SIPA1L1: variants seen among roughly 807,000 people sequenced by gnomAD.
SIPA1L1 encodes signal induced proliferation associated 1 like 1.
In SIPA1L1, 26 loss-of-function variants were observed where a neutral mutation model predicts 162.7. The ratio of observed to expected loss-of-function variants is 0.16; its 90% CI spans 0.12 to 0.22. The LOEUF is 0.22. Ranked by LOEUF, SIPA1L1 falls within the 10% of genes least tolerant of loss-of-function variation. The pLI is 1.00. For synonymous variants in SIPA1L1, 829 were observed against 837.4 expected (o/e 0.99, Z 0.17); for missense variants, 1,874 against 2,241.0 (o/e 0.84, Z 3.31).
At chr14:71,590,022 A>T (rs1425395027) in intron 5 of SIPA1L1, among the ~76,000 whole-genome samples, 2 of 62,920 alleles carry the variant, frequency 3.2e-5, no homozygotes, top group African/African-American at 6.4e-5. Flanking sequence ...GTGGGAGAGT[A>T]AAAAAAAAAA....
At chr14:71,666,748 T>G (rs2044041871) in intron 10 of SIPA1L1, among the ~76,000 whole-genome samples, 2 of 151,704 alleles carry the variant, frequency 1.3e-5, no homozygotes, top group South Asian at 4.1e-4. Context: ...TGTTAAACAG[T>G]GCAGTGGGAA....
chr14:71,649,082 C>G (rs1157774520), intron 7 of SIPA1L1, among the ~76,000 whole-genome samples: 2 of 152,150 alleles, frequency 1.3e-5, no homozygotes, highest in Admixed American at 6.5e-5. Context: ...CTTCTCTTCC[C>G]CCTTTTATTA....
At chr14:71,737,031 C>T (rs2085361179) in intron 22 of SIPA1L1, among the ~76,000 whole-genome samples, 1 of 152,216 alleles carries the variant, frequency 6.6e-6, no homozygotes, top group Non-Finnish European at 1.5e-5. Context: ...CCTGCCGTAC[C>T]ATACTATGCG....
chr14:71,551,108 A>C (rs1488425454), intron 4 of SIPA1L1, among the ~76,000 whole-genome samples: 1 of 152,120 alleles, frequency 6.6e-6, no homozygotes, highest in African/African-American at 2.4e-5. Context: ...ATATTTAGTC[A>C]TTTAGTCATA....
At chr14:71,736,665 T>A (rs1405956806) in intron 22 of SIPA1L1, among the ~76,000 whole-genome samples, 9 of 152,176 alleles carry the variant, frequency 5.9e-5, no homozygotes, top group African/African-American at 2.2e-4. Flanking sequence ...TCAGGCTGAC[T>A]GCTGAGAACT....
intron 2 of SIPA1L1, among the ~76,000 whole-genome samples, chr14:71,489,682 T>G (rs1352451379): frequency 6.7e-6 from 1 of 149,864 alleles, no homozygotes; most frequent in Non-Finnish European, 1.5e-5. Context: ...ACACTAACAC[T>G]AATGATAGCT....
chr14:71,662,565 A>T (rs1346003144), intron 10 of SIPA1L1, among the ~76,000 whole-genome samples: 1 of 152,240 alleles, frequency 6.6e-6, no homozygotes, highest in Non-Finnish European at 1.5e-5. Flanking sequence ...ACAGGAATGC[A>T]GTCAGTTTGA....
At chr14:71,650,283 G>A (rs950795188) in intron 7 of SIPA1L1, 52 bp from the exon 8 acceptor site, 5 of 1,593,518 alleles carry the variant, frequency 3.1e-6, no homozygotes, top group South Asian at 1.1e-5. Flanking sequence ...ATTTGACTGG[G>A]ACAAAGTGGA....
At chr14:71,534,261 A>G (rs2053694516) in intron 4 of SIPA1L1, among the ~76,000 whole-genome samples, 2 of 152,164 alleles carry the variant, frequency 1.3e-5, no homozygotes, top group African/African-American at 4.8e-5. Flanking sequence ...CTTGGTTTGC[A>G]TTTGTATAAA....
rs117857999 is a variant in SIPA1L1, at chr14:71,484,468, G to A, written c.-464-28275G>A. Among the ~76,000 whole-genome samples, 690 of 151,976 alleles carry A rather than the reference G, an allele frequency of 4.5e-3. 5 individuals are homozygous for A. Among genetic ancestry groups the A allele is most frequent in the Non-Finnish European group, 7.1e-3 (482 of 67,978 alleles). ...TTTGCTAGGTTCTTTATATATATTAGCACTAATTTTTCCAACAATGTTAGA... is the reference window on the plus strand; with the variant it reads ...TTTGCTAGGTTCTTTATATATATTAACACTAATTTTTCCAACAATGTTAGA... On this transcript the variant is annotated intron_variant, in intron 2 of 23. Transcript: ENST00000381232.
At chr14:71,627,068 A>AT (rs1053893581) in intron 7 of SIPA1L1, among the ~76,000 whole-genome samples, 5 of 138,804 alleles carry the variant, frequency 3.6e-5, no homozygotes, top group African/African-American at 5.4e-5. Context: ...AAACGAACTA[A>AT]TTTTTTTAGC....
chr14:71,572,361 T>C (rs1410233982), intron 4 of SIPA1L1, among the ~76,000 whole-genome samples: 1 of 152,256 alleles, frequency 6.6e-6, no homozygotes, highest in African/African-American at 2.4e-5. Flanking sequence ...CCTGTCATTT[T>C]ATGCCCAGCC....
chr14:71,409,420 G>A (rs981772043), intron 2 of SIPA1L1, among the ~76,000 whole-genome samples: 1 of 152,170 alleles, frequency 6.6e-6, no homozygotes, highest in Non-Finnish European at 1.5e-5. Flanking sequence ...ATCACAGGTA[G>A]GGAAGGCATT....
chr14:71,624,106 C>T lies in SIPA1L1; in HGVS notation c.1688C>T (p.Ser563Leu). 4 of 1,614,022 alleles carry T rather than the reference C, an allele frequency of 2.5e-6. No individual in the cohort carries two copies. Among genetic ancestry groups the T allele is most frequent in the Non-Finnish European group, 3.4e-6 (4 of 1,179,946 alleles). The change falls in exon 7 of 24, where the codon TCG becomes TTG. Residue 563 changes from serine to leucine, a missense_variant. Coordinates refer to ENST00000381232, the MANE Select transcript of SIPA1L1 (RefSeq NM_001386936.1). ...GCCATTCCGTCGACAGCCAAGCACT[C>T]GACAGCCAGAGGCCTGCCTCTCAAA... ...EDAIPSTAKH[S>L]TARGLPLKEV...
chr14:71,394,188 T>A (rs1262146296), intron 2 of SIPA1L1, among the ~76,000 whole-genome samples: 1 of 152,230 alleles, frequency 6.6e-6, no homozygotes, highest in Non-Finnish European at 1.5e-5. Context: ...TTCAGAGAGT[T>A]GTTCTACTGG....
At chr14:71,711,488 GC>G (rs2082871630) in intron 17 of SIPA1L1, among the ~76,000 whole-genome samples, 1 of 152,212 alleles carries the variant, frequency 6.6e-6, no homozygotes, top group Admixed American at 6.5e-5. Flanking sequence ...AAAGGAGGAT[GC>G]CTTTTTTTAA....
rs557832370 is a variant in SIPA1L1 at position 71,610,428 on chromosome 14, A to G, written c.1499-8329A>G. Reference sequence around the variant, plus strand: ...ACCAGAAAGATCCACTGGTGTGTTTAAGACTTGTAGTTTAACATTCTCTTA... The same window carrying G: ...ACCAGAAAGATCCACTGGTGTGTTTGAGACTTGTAGTTTAACATTCTCTTA... On this transcript the variant is annotated intron_variant, in intron 5 of 23. Transcript: ENST00000381232. Among the ~76,000 whole-genome samples, 4 of 152,352 alleles carry G rather than the reference A, an allele frequency of 2.6e-5. No homozygotes were observed. The East Asian group carries it at 7.7e-4, about 29-fold the overall frequency.
chr14:71,411,122 G>GT (rs532284410), intron 2 of SIPA1L1, among the ~76,000 whole-genome samples: 240 of 147,434 alleles, frequency 1.6e-3, no homozygotes, highest in Middle Eastern at 3.6e-3. Flanking sequence ...TTAGCATTTT[G>GT]TTTTTTTTTT....
chr14:71,650,355 A>G lies in SIPA1L1; in HGVS notation c.1839A>G (p.Val613=), dbSNP rs553478600. The change falls in exon 8 of 24, where the codon GTA becomes GTG. Residue 613 remains valine, a synonymous_variant. Transcript: ENST00000381232. The part of the protein sequence containing the change: ...DEQGLNYQQK[V]GIMYCKAGQS... ...CACAGCTGAACTACCAGCAGAAAGT[A>G]GGCATCATGTACTGCAAAGCTGGAC... 5.1e-4 allele frequency: 827 copies of G among 1,614,124 alleles called. 9 individuals carry two copies. In the South Asian group the frequency reaches 8.3e-3, roughly 16 times the overall value.
Sources: allele counts gnomAD v4.1 joint callset (sites outside exome capture counted in the v4.1 genomes callset), GRCh38; gene constraint gnomAD v4.1.1; transcripts MANE v1.5; gene names NCBI Gene and HGNC (gene_info 2026-07-23, HGNC 2026-07-21).